Variants in NAALADL2 observed in about 807,000 individuals in gnomAD.
NAALADL2 encodes the protein N-acetylated alpha-linked acidic dipeptidase like 2, also known as inactive N-acetylated-alpha-linked acidic dipeptidase-like protein 2.
In NAALADL2, 76 loss-of-function variants were observed where a neutral mutation model predicts 87.2. The ratio of observed to expected loss-of-function variants is 0.87; its 90% confidence interval spans 0.72 to 1.05. The LOEUF is 1.05. Ranked by LOEUF, NAALADL2 falls within the 50% of genes least tolerant of loss-of-function variation. NAALADL2 has a pLI of 0.00. For missense variants in NAALADL2, 1,089 were observed against 945.8 expected (o/e 1.15, Z -1.99); for synonymous variants, 354 against 331.0 (o/e 1.07, Z -0.75).
At chr3:174,715,983 T>C (rs944375902) in intron 2 of NAALADL2, among the ~76,000 whole-genome samples, 2 of 152,200 alleles carry the variant, frequency 1.3e-5, no homozygotes, top group Non-Finnish European at 2.9e-5. Flanking sequence ...GCTAAAATGC[T>C]CAGTCTAATT....
intron 11 of NAALADL2, among the ~76,000 whole-genome samples, chr3:175,690,075 T>C (rs1372185086): frequency 6.6e-6 from 1 of 151,888 alleles, no homozygotes; most frequent in Admixed American, 6.6e-5. Context: ...ATATAGAGAG[T>C]ATAGATATAT....
chr3:175,393,084 C>A (rs1179035827), intron 5 of NAALADL2, among the ~76,000 whole-genome samples: 1 of 151,526 alleles, frequency 6.6e-6, no homozygotes, highest in African/African-American at 2.4e-5. Flanking sequence ...ACCATCCTGG[C>A]TAACAAGGTG....
intron 2 of NAALADL2, among the ~76,000 whole-genome samples, chr3:174,567,711 A>G (rs1001941814): frequency 6.6e-6 from 1 of 151,668 alleles, no homozygotes; most frequent in African/African-American, 2.4e-5. Context: ...GTGTTTCTGA[A>G]TATCAGTTTT....
intron 8 of NAALADL2, among the ~76,000 whole-genome samples, chr3:175,469,679 G>C (rs1006850540): frequency 3.9e-5 from 6 of 151,968 alleles, no homozygotes; most frequent in Admixed American, 6.6e-5. Flanking sequence ...AAATATTATA[G>C]ATATTGGAGT....
chr3:174,660,203 G>T (rs1725377041), intron 2 of NAALADL2, among the ~76,000 whole-genome samples: 1 of 152,092 alleles, frequency 6.6e-6, no homozygotes, highest in African/African-American at 2.4e-5. Context: ...ATAGAAGAAA[G>T]ATTTATTATA....
chr3:174,766,417 C>G (rs928460112), intron 3 of NAALADL2, among the ~76,000 whole-genome samples: 13 of 152,272 alleles, frequency 8.5e-5, no homozygotes, highest in Admixed American at 2.0e-4. Context: ...CGCTCAGGCT[C>G]TTGCGAGGTG....
At chr3:175,381,403 ATT>A (rs1276270376) in intron 5 of NAALADL2, among the ~76,000 whole-genome samples, 1 of 151,884 alleles carries the variant, frequency 6.6e-6, no homozygotes, top group African/African-American at 2.4e-5. Context: ...GTCTAAAAAT[ATT>A]TTCTCTATTT....
chr3:174,858,168 TA>T (rs1226411157), upstream of NAALADL2, among the ~76,000 whole-genome samples: 8 of 148,026 alleles, frequency 5.4e-5, no homozygotes, highest in African/African-American at 2.0e-4. Flanking sequence ...ATTACAATAT[TA>T]AATATATAAT....
intron 1 of NAALADL2, among the ~76,000 whole-genome samples, chr3:175,055,134 A>G (rs1176782745): frequency 1.3e-5 from 2 of 152,180 alleles, no homozygotes; most frequent in Non-Finnish European, 2.9e-5. Flanking sequence ...TAGGACATTT[A>G]TCAGTAATTT....
At chr3:175,668,180 C>A (rs1733467499) in intron 11 of NAALADL2, among the ~76,000 whole-genome samples, 1 of 152,072 alleles carries the variant, frequency 6.6e-6, no homozygotes, top group East Asian at 1.9e-4. Context: ...AAACTGATTA[C>A]CTTGGAATTT....
chr3:174,466,982 C>G (rs1416292448), intron 1 of NAALADL2, among the ~76,000 whole-genome samples: 1 of 152,016 alleles, frequency 6.6e-6, no homozygotes, highest in Non-Finnish European at 1.5e-5. Context: ...TCTGCACTGT[C>G]TTAGATTAAT....
intron 13 of NAALADL2, among the ~76,000 whole-genome samples, chr3:175,768,939 A>G (rs1329740480): frequency 6.6e-6 from 1 of 152,128 alleles, no homozygotes; most frequent in African/African-American, 2.4e-5. Context: ...AAATGATCAT[A>G]TTGTGAACCA....
chr3:175,379,501 T>G (rs1221718309), intron 5 of NAALADL2, among the ~76,000 whole-genome samples: 1 of 151,970 alleles, frequency 6.6e-6, no homozygotes, highest in Non-Finnish European at 1.5e-5. Flanking sequence ...TGGTTTCTGG[T>G]AACAGTTGTC....
intron 11 of NAALADL2, among the ~76,000 whole-genome samples, chr3:175,659,807 A>G (rs1731996693): frequency 6.6e-6 from 1 of 152,162 alleles, no homozygotes; most frequent in Non-Finnish European, 1.5e-5. Context: ...CTAGACTTCT[A>G]TACATATCAT....
At chr3:175,299,198 A>G (rs1055915229) in intron 4 of NAALADL2, among the ~76,000 whole-genome samples, 1 of 152,170 alleles carries the variant, frequency 6.6e-6, no homozygotes. Flanking sequence ...GAAGTCAGGT[A>G]GCGTGATGCC....
At chr3:174,900,692 GA>G (rs567006020) in intron 1 of NAALADL2, among the ~76,000 whole-genome samples, 4 of 150,344 alleles carry the variant, frequency 2.7e-5, no homozygotes, top group Admixed American at 6.6e-5. Context: ...TCAAACCTCA[GA>G]AAAAAAACAT....
intron 2 of NAALADL2, among the ~76,000 whole-genome samples, chr3:175,203,205 T>C (rs1740326827): frequency 6.6e-6 from 1 of 152,104 alleles, no homozygotes; most frequent in African/African-American, 2.4e-5. Context: ...CTTCTCCCTG[T>C]GGTGTTTCCT....
At chr3:174,615,765 A>C (rs1315955643) in intron 2 of NAALADL2, among the ~76,000 whole-genome samples, 2 of 151,994 alleles carry the variant, frequency 1.3e-5, no homozygotes, top group African/African-American at 4.8e-5. Flanking sequence ...CTCTGGGATC[A>C]GTACTAGGAG....
chr3:175,733,583 A>C (rs930342129), intron 11 of NAALADL2, among the ~76,000 whole-genome samples: 1 of 152,112 alleles, frequency 6.6e-6, no homozygotes, highest in Non-Finnish European at 1.5e-5. Context: ...GCCCCTCCCA[A>C]ATCTCATATC....
Sources: gnomAD v4.1 joint callset for allele counts (sites outside exome capture counted in the v4.1 genomes callset) on GRCh38, gnomAD v4.1.1 for gene constraint, MANE v1.5 for transcripts, NCBI Gene and HGNC (gene_info 2026-07-23, HGNC 2026-07-21) for gene names.